Variants in PIPOX observed in about 807,000 individuals in gnomAD.
The protein encoded by PIPOX is peroxisomal sarcosine oxidase.
In PIPOX, 45 loss-of-function variants were observed where a neutral mutation model predicts 47.9. The ratio of observed to expected loss-of-function variants is 0.94; its 90% CI spans 0.74 to 1.20. The LOEUF (loss-of-function observed/expected upper bound fraction) is 1.20. Among genes scored for constraint, PIPOX ranks in the 50% most tolerant of loss-of-function variants. PIPOX has a pLI of 0.00. For synonymous variants in PIPOX, 165 were observed against 191.3 expected (o/e 0.86, Z 1.13); for missense variants, 458 against 498.4 (o/e 0.92, Z 0.77).
At chr17:29,049,031 C>T (rs2065795814) in intron 2 of PIPOX, among the ~76,000 whole-genome samples, 1 of 152,192 alleles carries the variant, frequency 6.6e-6, no homozygotes. Flanking sequence ...TGTCCTGCTA[C>T]AGTAACTGGT....
chr17:29,056,472 C>T lies in PIPOX; in HGVS notation c.*167C>T. 1 of 735,538 alleles carries T rather than the reference C, an allele frequency of 1.4e-6. No individual in the cohort carries two copies. Among genetic ancestry groups the T allele is most frequent in the South Asian group, 1.9e-5 (1 of 52,010 alleles). The allele number at this position is 735,538 out of a possible 1,614,324, so 45.6% of individuals were successfully genotyped here. A position where few individuals can be genotyped will look rare whatever the true frequency, so the allele number is the denominator to read the frequency against. ...TCTACCTTCTTTCCTTGGCCCGCTCCCTTTTTCTTCTGCCTCACTTGAATC... is the reference window on the plus strand; with the variant it reads ...TCTACCTTCTTTCCTTGGCCCGCTCTCTTTTTCTTCTGCCTCACTTGAATC... On this transcript the variant is annotated 3_prime_UTR_variant, in exon 8 of 8. Transcript: ENST00000323372.
chr17:29,044,341 T>C (rs1456499815), intron 1 of PIPOX: 1 of 152,322 alleles, frequency 6.6e-6, no homozygotes, highest in African/African-American at 2.4e-5. Context: ...GGTTGAAGAC[T>C]AGCTAACAAA....
chr17:29,045,132 A>G, intron 2 of PIPOX, 125 bp downstream of exon 2: 1 of 1,073,012 alleles, frequency 9.3e-7, no homozygotes, highest in Non-Finnish European at 1.3e-6. Flanking sequence ...CTCAAGAAGT[A>G]CCAGATGCAT....
chr17:29,056,259 CT>C lies in PIPOX; in HGVS notation c.1131del (p.Arg378GlufsTer59). Reference sequence around the variant, plus strand: ...TTAACACCATCTTATGACTTGGCACCTTTTCGAATCAGCCGTTTCCCAAGCC... The same window carrying C: ...TTAACACCATCTTATGACTTGGCACCTTTCGAATCAGCCGTTTCCCAAGCC... Reference protein sequence around the residue: ...MKLTPSYDLAPFRISRFPSLG... With the variant: ...MKLTPSYDLAXFRISRFPSLG... On this transcript the variant is annotated frameshift_variant, in exon 8 of 8. Transcript: ENST00000323372. LOFTEE classifies it high-confidence loss of function. 2 of 1,614,198 alleles carry C rather than the reference CT, an allele frequency of 1.2e-6. No homozygotes were observed. The highest frequency in any genetic ancestry group is 1.1e-5 in the South Asian group (1 of 91,078).
At position 29,043,231 on chromosome 17, in the gene PIPOX, G is replaced by A. The variant is rs560754767; in HGVS notation, c.6G>A (p.Ala2=). Residue 2 remains alanine (A), a synonymous_variant, in exon 1 of 8, where the codon GCG becomes GCA. Transcript: ENST00000323372. M[A]AQKDLWDAIV... The stretch of plus-strand genomic sequence containing the variant: ...CTGTGGGGCTGAGTGGCATCATGGC[G>A]GCTCAGAAAGATCTCTGGGACGCCA... 118 of 1,611,276 alleles carry A rather than the reference G, an allele frequency of 7.3e-5. No homozygotes were observed. The South Asian group carries it at 1.2e-3, about 17-fold the overall frequency.
At position 29,056,206 on chromosome 17, in the gene PIPOX, G is replaced by T; in HGVS notation, c.1074G>T (p.Gly358=). The T allele has an allele frequency of 6.2e-7, 1 of 1,614,124 alleles. No individual in the cohort carries two copies. ...GGTTCAAGCTGGCCCCTGTGGTGGG[G>T]AAGATCCTGTATGAATTAAGCATGA... is the stretch of plus-strand genomic sequence containing the variant. The part of the protein sequence containing the change: ...GHGFKLAPVV[G]KILYELSMKL... The change falls in exon 8 of 8, where the codon GGG becomes GGT. Residue 358 remains glycine (G), a synonymous_variant. Coordinates refer to ENST00000323372, the MANE Select transcript of PIPOX (RefSeq NM_016518.3).
intron 6 of PIPOX, 58 bp from the exon 7 acceptor site, chr17:29,055,754 GC>G: frequency 1.5e-6 from 2 of 1,358,112 alleles, no homozygotes; most frequent in South Asian, 2.3e-5. Flanking sequence ...GTTAGAGCCT[GC>G]AGTTCTTTCT....
At chr17:29,052,890 C>T (rs772570530) in intron 2 of PIPOX, 30 bp from the exon 3 acceptor site, 2 of 1,597,474 alleles carry the variant, frequency 1.3e-6, no homozygotes, top group Middle Eastern at 1.7e-4. Flanking sequence ...TTGAAACACA[C>T]CTTCACCTAG....
chr17:29,044,990 T>C lies in PIPOX; in HGVS notation c.246T>C (p.Ala82=). The change falls in exon 2 of 8, where the codon GCT becomes GCC. Residue 82 remains alanine, a synonymous_variant. Coordinates refer to ENST00000323372, the MANE Select transcript of PIPOX (RefSeq NM_016518.3). ...TATGGGCCCAGCTGGAGCACGAGGCTGGAACCCAATTGCACAGGTGGGCTG... is the reference window on the plus strand; with the variant it reads ...TATGGGCCCAGCTGGAGCACGAGGCCGGAACCCAATTGCACAGGTGGGCTG... The part of the protein sequence containing the change: ...YQIWAQLEHE[A]GTQLHRQTGL... 1 of 1,608,870 alleles carries C rather than the reference T, an allele frequency of 6.2e-7. No homozygotes were observed. Among genetic ancestry groups the C allele is most frequent in the South Asian group, 1.1e-5 (1 of 90,354 alleles).
chr17:29,052,988 C>T lies in PIPOX; in HGVS notation c.332C>T (p.Ser111Leu), dbSNP rs181734596. Residue 111 changes from serine (S) to leucine (L), a missense_variant, in exon 3 of 8, where the codon TCG becomes TTG. By Grantham distance (145) the Ser-to-Leu change is moderately radical. Transcript: ENST00000323372. Reference protein sequence around the residue: ...QELKTIQANLSRQRVEHQCLS... With the variant: ...QELKTIQANLLRQRVEHQCLS... ...TTAAAGACAATCCAGGCCAATCTGTCGAGGCAGAGGGTAGAACACCAGTGT... is the reference window on the plus strand; with the variant it reads ...TTAAAGACAATCCAGGCCAATCTGTTGAGGCAGAGGGTAGAACACCAGTGT... 2.0e-4 allele frequency: 322 copies of T among 1,614,182 alleles called. No homozygotes were observed. The highest frequency in any genetic ancestry group is 1.2e-3 in the Middle Eastern group (7 of 6,062).
At chr17:29,047,256 C>T (rs984149614) in intron 2 of PIPOX, among the ~76,000 whole-genome samples, 1 of 152,064 alleles carries the variant, frequency 6.6e-6, no homozygotes, top group South Asian at 2.1e-4. Flanking sequence ...CGCCACTGCA[C>T]TGCACTCCAG....
Position 29,053,559 on chromosome 17 carries a change from G to T in PIPOX, c.624G>T (p.Gln208His). ...LVITAGPWTN[Q>H]LLRPLGIEMP... ...TCACAGCAGGTCCTTGGACCAACCA[G>T]CTCCTCCGTCCCCTGGGCATTGAGA... is the stretch of plus-strand genomic sequence containing the variant. The change falls in exon 4 of 8, where the codon CAG becomes CAT. Residue 208 changes from glutamine to histidine, a missense_variant. By Grantham distance (24) the Gln-to-His change is conservative. Transcript: ENST00000323372. The T allele has an allele frequency of 3.1e-6, 5 of 1,609,064 alleles. No homozygotes were observed. The highest frequency in any genetic ancestry group is 4.3e-6 in the Non-Finnish European group (5 of 1,176,156).
chr17:29,055,328 T>C, intron 6 of PIPOX, 107 bp downstream of exon 6: 1 of 1,321,582 alleles, frequency 7.6e-7, no homozygotes, highest in Non-Finnish European at 1.1e-6. Context: ...CCTGACATAG[T>C]GTGTGACTTT....
intron 4 of PIPOX, 98 bp from the exon 5 acceptor site, chr17:29,054,447 C>A: frequency 1.5e-6 from 2 of 1,338,646 alleles, no homozygotes; most frequent in Non-Finnish European, 2.1e-6. Flanking sequence ...GGTGTCCAGG[C>A]TTGTGTTAGA....
chr17:29,046,494 G>T, intron 2 of PIPOX: 1 of 684,208 alleles, frequency 1.5e-6, no homozygotes, highest in Non-Finnish European at 1.8e-6. Flanking sequence ...TTACGATAGG[G>T]CTCTGAGAGG....
In PIPOX at chr17:29,044,969, G is replaced by A; in HGVS notation, c.225G>A (p.Trp75Ter). 1 of 1,612,794 alleles carries A rather than the reference G, an allele frequency of 6.2e-7. No homozygotes were observed. Among genetic ancestry groups the A allele is most frequent in the South Asian group, 1.1e-5 (1 of 90,878 alleles). ...TGATGCATGAGTGCTATCAGATATG[G>A]GCCCAGCTGGAGCACGAGGCTGGAA... ...TRMMHECYQI[W>*]AQLEHEAGTQ... Residue 75 changes from tryptophan (W) to a stop codon, truncating the protein, a stop_gained, in exon 2 of 8, where the codon TGG (tryptophan) becomes TGA (stop). Coordinates refer to ENST00000323372, the MANE Select transcript of PIPOX (RefSeq NM_016518.3). LOFTEE classifies it high-confidence loss of function.
chr17:29,056,044 G>A (rs1598241094), intron 7 of PIPOX, 131 bp from the exon 8 acceptor site: 11 of 1,318,380 alleles, frequency 8.3e-6, no homozygotes, highest in African/African-American at 5.8e-5. Flanking sequence ...GGGTATTCAT[G>A]GTGGGAGGCC....
chr17:29,049,946 C>G (rs745482303), intron 2 of PIPOX, among the ~76,000 whole-genome samples: 1 of 152,244 alleles, frequency 6.6e-6, no homozygotes, highest in Non-Finnish European at 1.5e-5. Context: ...CAATTACATT[C>G]ACCGGCAGAA....
intron 1 of PIPOX, 132 bp downstream of exon 1, chr17:29,043,471 G>A: frequency 1.7e-6 from 1 of 588,160 alleles, no homozygotes; most frequent in South Asian, 2.3e-5. Flanking sequence ...TGTGTAATTT[G>A]TATCTTAGCT....
Sources: gnomAD v4.1 joint callset for allele counts (sites outside exome capture counted in the v4.1 genomes callset) on GRCh38, gnomAD v4.1.1 for gene constraint, MANE v1.5 for transcripts, NCBI Gene and HGNC (gene_info 2026-07-23, HGNC 2026-07-21) for gene names.